Variants in GFRAL observed in about 807,000 individuals in gnomAD.
GFRAL encodes the protein GDNF family receptor alpha like.
A neutral mutation model predicts 45.4 loss-of-function variants in GFRAL; 36 were observed. That is an observed-to-expected ratio of 0.79 (90% CI 0.61 to 1.05). The LOEUF (loss-of-function observed/expected upper bound fraction) is 1.05. Ranked by LOEUF, GFRAL falls within the 50% of genes least tolerant of loss-of-function variation. The probability of loss-of-function intolerance (pLI) is 0.00; values close to 1 mark genes in which losing one functional copy is unlikely to be tolerated. For synonymous variants in GFRAL, 166 were observed against 154.1 expected (o/e 1.08, Z -0.57); for missense variants, 507 against 467.5 (o/e 1.08, Z -0.78).
chr6:55,338,969 G>A (rs141296214), intron 3 of GFRAL, among the ~76,000 whole-genome samples: 1,987 of 152,242 alleles, frequency 0.013, 22 homozygotes, highest in Non-Finnish European at 0.022. Context: ...ACGTAGAGAG[G>A]ATGGAATGGG....
At chr6:55,371,376 C>A (rs961202677) in intron 6 of GFRAL, among the ~76,000 whole-genome samples, 1 of 152,082 alleles carries the variant, frequency 6.6e-6, no homozygotes, top group African/African-American at 2.4e-5. Flanking sequence ...TTTTAGCTAA[C>A]CATATACTCG....
At chr6:55,390,086 GTTC>G (rs1768728230) in intron 6 of GFRAL, among the ~76,000 whole-genome samples, 1 of 152,234 alleles carries the variant, frequency 6.6e-6, no homozygotes, top group Non-Finnish European at 1.5e-5. Flanking sequence ...AGGTGGGAAT[GTTC>G]TTCAACGCTC....
intron 3 of GFRAL, 23 bp downstream of exon 3, chr6:55,333,967 G>T: frequency 7.1e-7 from 1 of 1,405,196 alleles, no homozygotes; most frequent in Non-Finnish European, 9.6e-7. Context: ...TTTAAGAAAT[G>T]TTTATAGTCA....
chr6:55,349,191 G>T lies in GFRAL; in HGVS notation c.317-901G>T, dbSNP rs527859449. On this transcript the variant is annotated intron_variant, in intron 3 of 8. Coordinates refer to ENST00000340465, the MANE Select transcript of GFRAL (RefSeq NM_207410.2). ...GAGTCTGGAAGGCCATGACACACCT[G>T]GGGGTAGAAGTAAGTTTCCTGTGAT... Among the ~76,000 whole-genome samples the T allele has an allele frequency of 1.2e-4, 19 of 152,142 alleles. No homozygotes were observed. In the South Asian group the frequency reaches 3.9e-3, roughly 32 times the overall value.
At chr6:55,361,472 T>C (rs115041409) in intron 6 of GFRAL, among the ~76,000 whole-genome samples, 2,052 of 152,194 alleles carry the variant, frequency 0.013, 52 homozygotes, top group African/African-American at 0.047. Context: ...ATTGTAGTTA[T>C]AATGTATCTT....
intron 6 of GFRAL, among the ~76,000 whole-genome samples, chr6:55,388,891 C>T (rs1045002228): frequency 2.0e-5 from 3 of 152,002 alleles, no homozygotes; most frequent in Non-Finnish European, 2.9e-5. Context: ...AACATAACTC[C>T]CCAACCTCTC....
At chr6:55,361,031 C>T (rs915854120) in intron 6 of GFRAL, among the ~76,000 whole-genome samples, 1 of 151,856 alleles carries the variant, frequency 6.6e-6, no homozygotes, top group Non-Finnish European at 1.5e-5. Flanking sequence ...TTACTATAAC[C>T]TTTTCAGAGC....
At chr6:55,335,453 T>A (rs1767878886) in intron 3 of GFRAL, among the ~76,000 whole-genome samples, 2 of 152,184 alleles carry the variant, frequency 1.3e-5, no homozygotes, top group Admixed American at 1.3e-4. Flanking sequence ...AAAATTTTGG[T>A]GAAATTGAGT....
intron 5 of GFRAL, among the ~76,000 whole-genome samples, chr6:55,352,219 A>G (rs1296179497): frequency 6.6e-6 from 1 of 152,140 alleles, no homozygotes; most frequent in Non-Finnish European, 1.5e-5. Flanking sequence ...ACACAGGCTC[A>G]AGCCACTCCA....
chr6:55,387,959 T>C (rs765017625), intron 6 of GFRAL, among the ~76,000 whole-genome samples: 1 of 152,140 alleles, frequency 6.6e-6, no homozygotes, highest in Non-Finnish European at 1.5e-5. Context: ...TCAAACTAGA[T>C]AAAAGAATGT....
rs761569699 is a variant in GFRAL, at chr6:55,351,424, A to C, written c.542A>C (p.Asn181Thr). ...TTCTTCTATCAAAATATACCTTTTA[A>C]CATTGCCCAGATGTTGGCTTTTTGT... ...IRFFYQNIPF[N>T]IAQMLAFCDC... The change falls in exon 5 of 9, where the codon AAC (asparagine) becomes ACC (threonine). Residue 181 changes from asparagine to threonine, a missense_variant. Transcript: ENST00000340465. The C allele has an allele frequency of 6.2e-7, 1 of 1,613,670 alleles. No homozygotes were observed. Among genetic ancestry groups the C allele is most frequent in the African/African-American group, 1.3e-5 (1 of 74,914 alleles).
intron 6 of GFRAL, among the ~76,000 whole-genome samples, chr6:55,397,519 C>T (rs1245647831): frequency 1.6e-5 from 1 of 63,240 alleles, no homozygotes; most frequent in Admixed American, 2.8e-4. Context: ...AGCGAGACTC[C>T]GTCTCAAAAA....
intron 1 of GFRAL, among the ~76,000 whole-genome samples, chr6:55,328,475 CAAGTT>C (rs1246105128): frequency 5.3e-5 from 8 of 151,684 alleles, no homozygotes; most frequent in African/African-American, 1.9e-4. Context: ...GTCAAGGAAA[CAAGTT>C]AAGAAGGAGA....
intron 6 of GFRAL, among the ~76,000 whole-genome samples, chr6:55,371,866 C>T (rs1371957081): frequency 1.3e-5 from 2 of 152,044 alleles, no homozygotes; most frequent in African/African-American, 4.8e-5. Flanking sequence ...ACAAATAAAC[C>T]CAACTTATTC....
intron 6 of GFRAL, 26 bp downstream of exon 6, chr6:55,359,164 G>GCCTATCTATCTA (rs148113230): frequency 7.3e-7 from 1 of 1,366,034 alleles, no homozygotes; most frequent in African/African-American, 1.5e-5. Context: ...AAAATTATCT[G>GCCTATCTATCTA]TCTATCTATC....
intron 6 of GFRAL, among the ~76,000 whole-genome samples, chr6:55,395,215 A>G (rs60605828): frequency 0.17 from 24,820 of 143,502 alleles, 3,954 homozygotes; most frequent in African/African-American, 0.42. Flanking sequence ...GTAAAATTTT[A>G]CACATTTTCC....
intron 5 of GFRAL, among the ~76,000 whole-genome samples, 188 bp downstream of exon 5, chr6:55,351,771 G>A (rs1768121585): frequency 6.6e-6 from 1 of 151,988 alleles, no homozygotes; most frequent in Non-Finnish European, 1.5e-5. Flanking sequence ...AAATTCAAAT[G>A]CAGAGTAGAT....
chr6:55,374,638 C>T (rs1768499909), intron 6 of GFRAL, among the ~76,000 whole-genome samples: 1 of 152,070 alleles, frequency 6.6e-6, no homozygotes, highest in African/African-American at 2.4e-5. Context: ...GTTTAGATCT[C>T]ATTTGTCAAT....
At chr6:55,392,469 T>C (rs1419997971) in intron 6 of GFRAL, among the ~76,000 whole-genome samples, 1 of 152,242 alleles carries the variant, frequency 6.6e-6, no homozygotes, top group African/African-American at 2.4e-5. Context: ...AATTCATTTC[T>C]GGTTCTGCTG....
Sources: gnomAD v4.1 joint callset for allele counts (sites outside exome capture counted in the v4.1 genomes callset) on GRCh38, gnomAD v4.1.1 for gene constraint, MANE v1.5 for transcripts, NCBI Gene and HGNC (gene_info 2026-07-23, HGNC 2026-07-21) for gene names.